Variants in PCDHA8 observed in about 807,000 individuals in gnomAD.
PCDHA8 encodes protocadherin alpha 8, also known as protocadherin alpha-8.
In PCDHA8, 53 loss-of-function variants were observed where a neutral mutation model predicts 61.8. The ratio of observed to expected loss-of-function variants is 0.86; its 90% CI spans 0.69 to 1.08. The LOEUF is 1.08. Among genes scored for constraint, PCDHA8 ranks in the 50% least tolerant of loss-of-function variants. PCDHA8 has a pLI of 0.00. For missense variants in PCDHA8, 1,293 were observed against 1,245.0 expected (o/e 1.04, Z -0.58); for synonymous variants, 618 against 556.6 (o/e 1.11, Z -1.55).
At chr5:140,888,613 A>C (rs782529480) in intron 1 of PCDHA8, among the ~76,000 whole-genome samples, 4 of 152,184 alleles carry the variant, frequency 2.6e-5, no homozygotes, top group Non-Finnish European at 5.9e-5. Flanking sequence ...TTAGTGTAGC[A>C]CTAATTCGGC....
chr5:140,951,548 G>A (rs1314618918), intron 1 of PCDHA8, among the ~76,000 whole-genome samples: 1 of 151,910 alleles, frequency 6.6e-6, no homozygotes, highest in African/African-American at 2.4e-5. Flanking sequence ...AGGGACGGGG[G>A]GAAGTGCTAC....
intron 1 of PCDHA8, among the ~76,000 whole-genome samples, chr5:140,846,053 A>T (rs2150384240): frequency 6.7e-6 from 1 of 149,910 alleles, no homozygotes; most frequent in East Asian, 1.9e-4. Context: ...AACACCACCT[A>T]TGTGGGAAAA....
Position 140,956,847 on chromosome 5 carries a change from T to G in PCDHA8, c.2395-22102T>G, listed in dbSNP as rs138847680. Among the ~76,000 whole-genome samples the G allele has an allele frequency of 1.6e-4, 24 of 152,262 alleles. 1 individual carries two copies. The East Asian group carries it at 4.6e-3, about 29-fold the overall frequency. ...AATTTAATATTTTTAAATCTTGGGT[T>G]AAATGGTTGAATGAATGTGTGAAAA... On this transcript the variant is annotated intron_variant, in intron 1 of 3. Transcript: ENST00000531613.
chr5:140,912,500 T>C (rs1554195386), intron 1 of PCDHA8, among the ~76,000 whole-genome samples: 1 of 152,204 alleles, frequency 6.6e-6, no homozygotes, highest in Non-Finnish European at 1.5e-5. Flanking sequence ...TAGGAGCTTT[T>C]TGGATGAATC....
rs3806841 is a variant in PCDHA8, at chr5:140,855,953, T to C, written c.2394+12238T>C. On this transcript the variant is annotated intron_variant, in intron 1 of 3. Transcript: ENST00000531613. Reference sequence around the variant, plus strand: ...CATTCTGAGATCTCAGCCATTTCGATAAAAAATAGATATAAGAAATAGGAC... The same window carrying C: ...CATTCTGAGATCTCAGCCATTTCGACAAAAAATAGATATAAGAAATAGGAC... 9.7e-5 allele frequency: 134 copies of C among 1,381,096 alleles called. 3 individuals are homozygous for C. In the East Asian group the frequency reaches 3.0e-3, roughly 31 times the overall value. 85.6% of individuals were successfully genotyped at this position (1,381,096 alleles called of 1,614,324 possible).
In PCDHA8 at chr5:140,846,938, C is replaced by A. The variant is rs1187863995; in HGVS notation, c.2394+3223C>A. 2.7e-5 allele frequency among the ~76,000 whole-genome samples: 4 copies of A among 149,452 alleles called. 2 individuals are homozygous for A. The highest frequency in any genetic ancestry group is 6.0e-5 in the Non-Finnish European group (4 of 66,840). On this transcript the variant is annotated intron_variant, in intron 1 of 3. Coordinates refer to ENST00000531613, the MANE Select transcript of PCDHA8 (RefSeq NM_018911.3). ...TCCTATTTGAATTTTTGAAGAAATACTTGAAGGGGCATGGTGTGTTTCAGT... is the reference window on the plus strand; with the variant it reads ...TCCTATTTGAATTTTTGAAGAAATAATTGAAGGGGCATGGTGTGTTTCAGT...
intron 1 of PCDHA8, among the ~76,000 whole-genome samples, chr5:140,890,243 A>G (rs782339518): frequency 6.6e-6 from 1 of 152,130 alleles, no homozygotes; most frequent in Non-Finnish European, 1.5e-5. Context: ...ATTTACCAGT[A>G]CACTACTGCA....
rs2150386849 is a variant in PCDHA8, at chr5:140,846,316, A to G, written c.2394+2601A>G. ...TGAATTAAGTAAACCATTTATGTAG[A>G]GTGTTGTAAATAGCCTTTTAAAGTG... On this transcript the variant is annotated intron_variant, in intron 1 of 3. Transcript: ENST00000531613. 2.4e-3 allele frequency among the ~76,000 whole-genome samples: 359 copies of G among 147,560 alleles called. 12 individuals carry two copies. Among genetic ancestry groups the G allele is most frequent in the African/African-American group, 8.0e-3 (325 of 40,542 alleles).
At chr5:141,001,265 T>C (rs71583613) in intron 3 of PCDHA8, among the ~76,000 whole-genome samples, 24 of 152,168 alleles carry the variant, frequency 1.6e-4, no homozygotes, top group Admixed American at 7.2e-4. Flanking sequence ...GGCACTCTTA[T>C]GAACTTTTTT....
At chr5:140,854,247 T>C (rs782783926) in intron 1 of PCDHA8, 12 of 635,110 alleles carry the variant, frequency 1.9e-5, no homozygotes, top group Non-Finnish European at 2.4e-5. Context: ...TGTTATCACT[T>C]GGTATAAAAT....
At chr5:140,961,345 C>T (rs1440791542) in intron 1 of PCDHA8, among the ~76,000 whole-genome samples, 1 of 152,136 alleles carries the variant, frequency 6.6e-6, no homozygotes, top group Non-Finnish European at 1.5e-5. Context: ...AGAGTGGATC[C>T]CTGTAGTCCC....
chr5:140,987,904 G>A (rs115515462), intron 3 of PCDHA8, among the ~76,000 whole-genome samples: 1 of 151,734 alleles, frequency 6.6e-6, no homozygotes, highest in African/African-American at 2.4e-5. Context: ...TTTTATATGG[G>A]GATTTATATT....
chr5:140,855,802 G>A (rs1329894390), intron 1 of PCDHA8: 2 of 477,954 alleles, frequency 4.2e-6, no homozygotes, highest in East Asian at 6.4e-5. Flanking sequence ...ACATATGAAT[G>A]AAAGAAAAGT....
intron 3 of PCDHA8, among the ~76,000 whole-genome samples, chr5:140,999,698 T>C (rs903538308): frequency 2.0e-5 from 3 of 152,192 alleles, no homozygotes; most frequent in Non-Finnish European, 4.4e-5. Flanking sequence ...ATGTGATTTT[T>C]TTTTAGCTAA....
At chr5:140,936,291 A>G (rs996685658) in intron 1 of PCDHA8, among the ~76,000 whole-genome samples, 2 of 152,174 alleles carry the variant, frequency 1.3e-5, no homozygotes, top group African/African-American at 4.8e-5. Flanking sequence ...CTTCTATAAC[A>G]TTGCTATCCA....
intron 1 of PCDHA8, chr5:140,926,735 G>A (rs2083511846): frequency 1.1e-5 from 12 of 1,140,634 alleles, no homozygotes; most frequent in African/African-American, 1.6e-5. Context: ...GCGTTCGGGA[G>A]GCGCAACGTC....
chr5:140,869,963 A>G lies in PCDHA8; in HGVS notation c.2394+26248A>G, dbSNP rs782588471. 11 of 1,613,128 alleles carry G rather than the reference A, an allele frequency of 6.8e-6. No homozygotes were observed. Among genetic ancestry groups the G allele is most frequent in the East Asian group, 2.2e-5 (1 of 44,874 alleles). On this transcript the variant is annotated intron_variant, in intron 1 of 3. Coordinates refer to ENST00000531613, the MANE Select transcript of PCDHA8 (RefSeq NM_018911.3). ...TACTCCTTAATGTCAATTAAGCCCA[A>G]TGGAAGACACTTATTTACACTAGAT...
chr5:140,862,896 G>A (rs782777981), intron 1 of PCDHA8: 1 of 554,390 alleles, frequency 1.8e-6, no homozygotes, highest in East Asian at 4.8e-5. Flanking sequence ...CGACAACTTT[G>A]TCTGCGCTGC....
chr5:140,846,501 A>G (rs1780515725), intron 1 of PCDHA8, among the ~76,000 whole-genome samples: 1 of 146,172 alleles, frequency 6.8e-6, no homozygotes. Flanking sequence ...CAGCCTCCCA[A>G]GTAGCTGGGA....
Sources: gnomAD v4.1 joint callset for allele counts (sites outside exome capture counted in the v4.1 genomes callset) on GRCh38, gnomAD v4.1.1 for gene constraint, MANE v1.5 for transcripts, NCBI Gene and HGNC (gene_info 2026-07-23, HGNC 2026-07-21) for gene names.